KDM4C: variants seen among roughly 807,000 people sequenced by gnomAD.
KDM4C encodes the protein lysine demethylase 4C, also known as lysine-specific demethylase 4C.
Under a neutral mutation model 129.3 loss-of-function variants are expected in KDM4C, and 81 were observed. The observed-to-expected ratio is 0.63, with a 90% confidence interval of 0.52 to 0.75. The LOEUF (loss-of-function observed/expected upper bound fraction) is 0.75, where lower values mean the gene tolerates loss of function less well. KDM4C is among the 30% of genes least tolerant of loss of function. The pLI, the probability that KDM4C is intolerant of heterozygous loss-of-function variation, is 0.00. For synonymous variants in KDM4C, 573 were observed against 456.1 expected (o/e 1.26, Z -3.26); for missense variants, 1,457 against 1,304.0 (o/e 1.12, Z -1.81).
chr9:6,990,615 T>A (rs1818571582), intron 12 of KDM4C, 91 bp downstream of exon 12: 3 of 776,790 alleles, frequency 3.9e-6, no homozygotes, highest in African/African-American at 1.8e-5. Flanking sequence ...AGAAAAAAAA[T>A]TCAACAAGTA....
In KDM4C at chr9:6,832,627, A is replaced by G. The variant is rs184520450; in HGVS notation, c.436-16880A>G. ...TTTTTAGTAGAGATGGGGTTTCACCATGTTAGCCAGGATGGTCTCGATCTC... is the reference window on the plus strand; with the variant it reads ...TTTTTAGTAGAGATGGGGTTTCACCGTGTTAGCCAGGATGGTCTCGATCTC... On this transcript the variant is annotated intron_variant, in intron 4 of 21. Transcript: ENST00000381309. Among the ~76,000 whole-genome samples the G allele has an allele frequency of 5.3e-3, 793 of 150,210 alleles. 7 individuals are homozygous for G. Among genetic ancestry groups the G allele is most frequent in the African/African-American group, 0.018 (744 of 40,934 alleles).
Position 7,095,015 on chromosome 9 carries a change from T to A in KDM4C, c.2425-8670T>A, listed in dbSNP as rs143136533. Among the ~76,000 whole-genome samples the A allele has an allele frequency of 5.4e-3, 820 of 152,354 alleles. 8 individuals are homozygous for A. The highest frequency in any genetic ancestry group is 0.018 in the African/African-American group (748 of 41,582). ...ATCAAAGGAAAATGATGAGATCTTT[T>A]TATTGTTCCGTTTCCCAACCACTCT... On this transcript the variant is annotated intron_variant, in intron 17 of 21. Coordinates refer to ENST00000381309, the MANE Select transcript of KDM4C (RefSeq NM_015061.6).
In KDM4C at chr9:6,801,254, T is replaced by C. The variant is rs752640992; in HGVS notation, c.145-4345T>C. Among the ~76,000 whole-genome samples the C allele has an allele frequency of 1.7e-3, 220 of 129,608 alleles. 1 individual carries two copies. The highest frequency in any genetic ancestry group is 3.1e-3 in the Non-Finnish European group (184 of 60,252). 85.0% of individuals were successfully genotyped at this position (129,608 alleles called of 152,430 possible). A position where few individuals can be genotyped will look rare whatever the true frequency, so the allele number is the denominator to read the frequency against. ...GAGTAGGGAAATTTTTTTTTTTTTT[T>C]TTTTTTTTTTTTTTTTTGAGATGGA... On this transcript the variant is annotated intron_variant, in intron 2 of 21. Transcript: ENST00000381309.
At chr9:6,948,363 A>G (rs1166399776) in intron 8 of KDM4C, 1 of 152,218 alleles carries the variant, frequency 6.6e-6, no homozygotes, top group Non-Finnish European at 1.5e-5. Context: ...TATTTATCTG[A>G]ACAGTAGGAT....
chr9:6,853,225 T>C (rs1161013527), intron 5 of KDM4C, among the ~76,000 whole-genome samples: 4 of 152,122 alleles, frequency 2.6e-5, no homozygotes, highest in Admixed American at 2.6e-4. Context: ...CGGTTGCTCA[T>C]GCCTATAATC....
At chr9:6,875,796 T>C (rs1033534165) in intron 5 of KDM4C, among the ~76,000 whole-genome samples, 1 of 152,204 alleles carries the variant, frequency 6.6e-6, no homozygotes, top group Non-Finnish European at 1.5e-5. Context: ...ACATGGAAAA[T>C]GCCTTGAGTT....
chr9:6,929,872 C>G (rs756475800), intron 8 of KDM4C, among the ~76,000 whole-genome samples: 1 of 152,118 alleles, frequency 6.6e-6, no homozygotes, highest in Non-Finnish European at 1.5e-5. Flanking sequence ...TCAAAATAGA[C>G]GATTTCTACA....
chr9:7,140,906 G>A (rs1192884883), intron 19 of KDM4C, among the ~76,000 whole-genome samples: 1 of 152,204 alleles, frequency 6.6e-6, no homozygotes, highest in African/African-American at 2.4e-5. Context: ...TATCTAGATG[G>A]GTGATCAGTG....
chr9:7,120,120 G>A (rs1258449290), intron 18 of KDM4C, among the ~76,000 whole-genome samples: 1 of 151,526 alleles, frequency 6.6e-6, no homozygotes, highest in South Asian at 2.1e-4. Context: ...TTGGCTCAGA[G>A]TTCACTGCTG....
At chr9:6,831,562 C>T (rs1318339966) in intron 4 of KDM4C, among the ~76,000 whole-genome samples, 4 of 152,012 alleles carry the variant, frequency 2.6e-5, no homozygotes, top group Admixed American at 1.3e-4. Context: ...AGGCTGGTCT[C>T]GAACTGCTGA....
At chr9:7,066,885 T>TA (rs1202955118) in intron 17 of KDM4C, among the ~76,000 whole-genome samples, 8 of 152,224 alleles carry the variant, frequency 5.3e-5, no homozygotes, top group Non-Finnish European at 1.2e-4. Context: ...ATCCTCTTCT[T>TA]ACGTTTCTCA....
At chr9:6,874,536 A>G (rs995996119) in intron 5 of KDM4C, among the ~76,000 whole-genome samples, 1 of 152,194 alleles carries the variant, frequency 6.6e-6, no homozygotes, top group African/African-American at 2.4e-5. Context: ...GTTTAACTTT[A>G]TTACTCATTT....
chr9:6,974,155 G>C (rs1832526173), intron 8 of KDM4C, among the ~76,000 whole-genome samples: 1 of 152,152 alleles, frequency 6.6e-6, no homozygotes, highest in Non-Finnish European at 1.5e-5. Flanking sequence ...CCATAAATTA[G>C]GATATGATGA....
chr9:6,933,826 A>G (rs945559478), intron 8 of KDM4C, among the ~76,000 whole-genome samples: 1 of 151,664 alleles, frequency 6.6e-6, no homozygotes, highest in African/African-American at 2.4e-5. Context: ...ATTTTTTTCC[A>G]GGTCTTCCTG....
chr9:7,030,249 G>C (rs1046261498), intron 15 of KDM4C, among the ~76,000 whole-genome samples: 16 of 152,024 alleles, frequency 1.1e-4, no homozygotes, highest in African/African-American at 3.9e-4. Flanking sequence ...ACCTAGAGGT[G>C]GTGGGTAAGA....
chr9:7,137,805 A>G (rs761638999), intron 19 of KDM4C, among the ~76,000 whole-genome samples: 19 of 152,224 alleles, frequency 1.2e-4, no homozygotes, highest in Non-Finnish European at 2.5e-4. Context: ...TAGCACATAA[A>G]TTGGTGACAC....
intron 4 of KDM4C, among the ~76,000 whole-genome samples, chr9:6,836,246 G>A (rs1588602878): frequency 1.3e-5 from 2 of 152,134 alleles, no homozygotes; most frequent in East Asian, 3.9e-4. Context: ...GAGGTCAGGA[G>A]TTCAAGACCA....
chr9:6,903,345 A>T (rs1817727055), intron 8 of KDM4C, among the ~76,000 whole-genome samples: 1 of 152,144 alleles, frequency 6.6e-6, no homozygotes, highest in African/African-American at 2.4e-5. Context: ...AAACTTATAT[A>T]ATGATTTCTT....
intron 4 of KDM4C, chr9:6,835,368 C>A: frequency 3.7e-6 from 4 of 1,082,876 alleles, no homozygotes; most frequent in Non-Finnish European, 5.7e-6. Context: ...CCACCATGTA[C>A]CCTAGCGTTG....
Sources: allele counts gnomAD v4.1 joint callset (sites outside exome capture counted in the v4.1 genomes callset), GRCh38; gene constraint gnomAD v4.1.1; transcripts MANE v1.5; gene names NCBI Gene and HGNC (gene_info 2026-07-23, HGNC 2026-07-21).